AKAP19: variants seen among roughly 807,000 people sequenced by gnomAD.
AKAP19 encodes A-kinase anchoring protein 19.
the AKAP19 span, among the ~76,000 whole-genome samples, chr2:190,014,341 G>T: frequency 6.6e-6 from 1 of 152,120 alleles, no homozygotes. Flanking sequence ...TGTCATATAT[G>T]GCAGCAGGTG....
At chr2:190,121,113 C>G in the AKAP19 span, among the ~76,000 whole-genome samples, 4 of 133,632 alleles carry the variant, frequency 3.0e-5, no homozygotes, top group African/African-American at 1.1e-4. Flanking sequence ...AAATCTAAGT[C>G]TTTTTTTTTT....
chr2:190,188,663 C>A, the AKAP19 span, among the ~76,000 whole-genome samples: 2 of 152,222 alleles, frequency 1.3e-5, no homozygotes, highest in African/African-American at 2.4e-5. Context: ...CACTGGTGTG[C>A]AGGCTTATAC....
At chr2:190,078,572 A>G in the AKAP19 span, among the ~76,000 whole-genome samples, 2 of 152,342 alleles carry the variant, frequency 1.3e-5, no homozygotes, top group East Asian at 1.9e-4. Flanking sequence ...CTCTGAAAAG[A>G]TGTTCAACCT....
At chr2:190,084,114 A>G in the AKAP19 span, among the ~76,000 whole-genome samples, 1 of 135,218 alleles carries the variant, frequency 7.4e-6, no homozygotes, top group Non-Finnish European at 1.6e-5. Flanking sequence ...TTTTTCTGAG[A>G]CAGAGTCTGG....
chr2:189,937,449 A>G, the AKAP19 span, among the ~76,000 whole-genome samples: 1 of 116,790 alleles, frequency 8.6e-6, no homozygotes, highest in South Asian at 2.7e-4. Flanking sequence ...AGAAAACCAC[A>G]AACAAGAGAG....
At chr2:189,993,470 G>C in the AKAP19 span, among the ~76,000 whole-genome samples, 2 of 151,886 alleles carry the variant, frequency 1.3e-5, no homozygotes, top group Non-Finnish European at 1.5e-5. Flanking sequence ...TTCTTTTTTC[G>C]TTATGTCCTT....
the AKAP19 span, among the ~76,000 whole-genome samples, chr2:190,195,922 GT>G: frequency 7.5e-6 from 1 of 133,228 alleles, no homozygotes; most frequent in Admixed American, 7.4e-5. Context: ...TTTGTGAAGG[GT>G]TTAAGAACTG....
the AKAP19 span, among the ~76,000 whole-genome samples, chr2:189,934,413 T>C: frequency 6.6e-6 from 1 of 152,052 alleles, no homozygotes; most frequent in African/African-American, 2.4e-5. Context: ...AACTAATTTT[T>C]GGTTCATGCA....
At chr2:190,143,241 T>C in the AKAP19 span, among the ~76,000 whole-genome samples, 133,948 of 146,906 alleles carry the variant, frequency 0.91, 61,980 homozygotes, top group East Asian at 1. Context: ...TTTAATTCTC[T>C]TGCAACCACC....
chr2:190,180,155 C>G, the AKAP19 span, among the ~76,000 whole-genome samples: 1 of 152,238 alleles, frequency 6.6e-6, no homozygotes, highest in Non-Finnish European at 1.5e-5. This position sits in a 1 kb window ranked among gnomAD's most constrained non-coding sequence, Gnocchi z 6.8. Flanking sequence ...CACTTTTGCT[C>G]TGCATACTCA....
chr2:190,053,147 A>G, the AKAP19 span, among the ~76,000 whole-genome samples: 6 of 152,328 alleles, frequency 3.9e-5, no homozygotes, highest in South Asian at 1.2e-3. Context: ...ATACAGTTCC[A>G]TATCAGGAGT....
chr2:189,929,856 C>T, the AKAP19 span, among the ~76,000 whole-genome samples: 2 of 151,964 alleles, frequency 1.3e-5, no homozygotes, highest in Non-Finnish European at 2.9e-5. Context: ...GACCCAAATG[C>T]CAGTAACATC....
At chr2:189,989,042 A>G in the AKAP19 span, among the ~76,000 whole-genome samples, 27 of 152,372 alleles carry the variant, frequency 1.8e-4, no homozygotes, top group South Asian at 2.1e-3. Flanking sequence ...CAGAACTGTC[A>G]TATTTGCCTA....
chr2:190,044,030 G>A, the AKAP19 span, among the ~76,000 whole-genome samples: 2 of 152,144 alleles, frequency 1.3e-5, no homozygotes, highest in African/African-American at 4.8e-5. Context: ...TCAGTCAGTT[G>A]GTAGACTCCT....
At chr2:189,933,558 T>C in the AKAP19 span, among the ~76,000 whole-genome samples, 2 of 152,214 alleles carry the variant, frequency 1.3e-5, no homozygotes, top group African/African-American at 4.8e-5. Context: ...GAAAAATATG[T>C]GGGTTGAAAT....
the AKAP19 span, among the ~76,000 whole-genome samples, chr2:189,904,160 C>G: frequency 6.6e-6 from 1 of 152,030 alleles, no homozygotes; most frequent in African/African-American, 2.4e-5. Context: ...GTAGTATCTA[C>G]ATCAAGAAAT....
At chr2:190,114,251 C>T in the AKAP19 span, among the ~76,000 whole-genome samples, 1 of 152,120 alleles carries the variant, frequency 6.6e-6, no homozygotes, top group Non-Finnish European at 1.5e-5. Flanking sequence ...GTAGTAATTT[C>T]TCATTTAGAC....
chr2:190,060,207 C>G, the AKAP19 span: 2 of 1,613,074 alleles, frequency 1.2e-6, no homozygotes, highest in South Asian at 2.2e-5. Context: ...CTGCCAAATA[C>G]CAGTGCCTGG....
At chr2:190,078,278 A>G in the AKAP19 span, among the ~76,000 whole-genome samples, 1 of 152,198 alleles carries the variant, frequency 6.6e-6, no homozygotes, top group Non-Finnish European at 1.5e-5. Flanking sequence ...CCTAGGAATT[A>G]TAGTCTTATG....
Sources: allele counts gnomAD v4.1 joint callset (sites outside exome capture counted in the v4.1 genomes callset), GRCh38; gene constraint gnomAD v4.1.1; non-coding constraint Gnocchi (gnomAD v3.1); transcripts MANE v1.5; gene names NCBI Gene and HGNC (gene_info 2026-07-23, HGNC 2026-07-21).